The following DPP10 variants were observed in gnomAD, a reference collection of about 807,000 sequenced individuals.
DPP10 encodes the protein dipeptidyl peptidase like 10.
DPP10 carries 33 observed loss-of-function variants against 120.9 expected under a neutral mutation model. The ratio of observed to expected loss-of-function variants is 0.27; its 90% CI spans 0.21 to 0.37. The LOEUF (loss-of-function observed/expected upper bound fraction) is 0.37, where lower values mean the gene tolerates loss of function less well. Among genes scored for constraint, DPP10 ranks in the 10% least tolerant of loss-of-function variants. The probability of loss-of-function intolerance (pLI) is 1.00; values close to 1 mark genes in which losing one functional copy is unlikely to be tolerated. For synonymous variants in DPP10, 337 were observed against 326.1 expected (o/e 1.03, Z -0.36); for missense variants, 816 against 942.8 (o/e 0.87, Z 1.76).
chr2:114,515,106 A>G (rs148413591), intron 1 of DPP10, among the ~76,000 whole-genome samples: 8 of 152,346 alleles, frequency 5.3e-5, no homozygotes, highest in African/African-American at 1.9e-4. Context: ...GAAAGAGAAA[A>G]GAAACATGCC....
At chr2:114,881,604 C>A (rs993914912) in intron 1 of DPP10, among the ~76,000 whole-genome samples, 4 of 149,820 alleles carry the variant, frequency 2.7e-5, no homozygotes, top group African/African-American at 1.0e-4. Context: ...GTCTGTCTAT[C>A]TATCTATCTA....
chr2:114,887,287 G>A (rs941126266), intron 1 of DPP10, among the ~76,000 whole-genome samples: 1 of 152,166 alleles, frequency 6.6e-6, no homozygotes, highest in African/African-American at 2.4e-5. Context: ...TAGTGATTTA[G>A]AGGAGACTAA....
intron 5 of DPP10, among the ~76,000 whole-genome samples, chr2:115,682,295 T>C (rs1367727949): frequency 6.6e-6 from 1 of 151,952 alleles, no homozygotes; most frequent in Non-Finnish European, 1.5e-5. Context: ...GTTGCTTATT[T>C]GTGTTAATTA....
At chr2:115,082,582 G>C (rs767491594) in intron 1 of DPP10, among the ~76,000 whole-genome samples, 4 of 152,154 alleles carry the variant, frequency 2.6e-5, no homozygotes, top group Admixed American at 2.6e-4. Context: ...AAGGATGTTG[G>C]ATATAATCTG....
At chr2:114,474,248 G>A (rs374258745) in intron 1 of DPP10, among the ~76,000 whole-genome samples, 4 of 152,288 alleles carry the variant, frequency 2.6e-5, no homozygotes, top group South Asian at 2.1e-4. Flanking sequence ...GAGCCATTGC[G>A]CCCAGCCGCT....
At chr2:115,534,682 C>A (rs1318315249) in intron 5 of DPP10, among the ~76,000 whole-genome samples, 1 of 150,976 alleles carries the variant, frequency 6.6e-6, no homozygotes, top group Admixed American at 6.6e-5. Flanking sequence ...TGAGGAATCG[C>A]CACACTGAGT....
intron 1 of DPP10, among the ~76,000 whole-genome samples, chr2:114,541,454 AC>A (rs1263441685): frequency 1.3e-5 from 2 of 151,392 alleles, no homozygotes; most frequent in South Asian, 2.1e-4. Context: ...CTTCCTCAAA[AC>A]CCCCCTTTTT....
intron 5 of DPP10, among the ~76,000 whole-genome samples, chr2:115,614,233 G>A (rs1437164353): frequency 6.6e-6 from 1 of 152,120 alleles, no homozygotes; most frequent in East Asian, 1.9e-4. Context: ...TCACAACAAG[G>A]TTATTGATAA....
chr2:115,550,692 A>G (rs1233882106), intron 5 of DPP10, among the ~76,000 whole-genome samples: 2 of 152,182 alleles, frequency 1.3e-5, no homozygotes, highest in East Asian at 3.9e-4. Flanking sequence ...AATGTGAATA[A>G]GCTAAATATG....
At chr2:115,454,158 G>T (rs142533668) in intron 3 of DPP10, among the ~76,000 whole-genome samples, 51 of 151,408 alleles carry the variant, frequency 3.4e-4, no homozygotes, top group Non-Finnish European at 7.2e-4. Context: ...AGAAATAGTA[G>T]TAATCTTTCC....
intron 1 of DPP10, among the ~76,000 whole-genome samples, chr2:115,201,628 A>G (rs1411224076): frequency 2.6e-5 from 4 of 152,218 alleles, no homozygotes; most frequent in Admixed American, 6.5e-5. Context: ...ACAAGAGGAA[A>G]CAAGAATGAT....
chr2:114,939,030 T>C (rs1696695011), intron 1 of DPP10, among the ~76,000 whole-genome samples: 1 of 152,098 alleles, frequency 6.6e-6, no homozygotes, highest in Non-Finnish European at 1.5e-5. Flanking sequence ...TGAGTGTGTA[T>C]ACAGAAATAC....
chr2:115,159,345 C>T (rs899463699), intron 1 of DPP10, among the ~76,000 whole-genome samples: 1 of 152,132 alleles, frequency 6.6e-6, no homozygotes. Flanking sequence ...GTAGTCCCAG[C>T]TACTTGGGAG....
intron 1 of DPP10, among the ~76,000 whole-genome samples, chr2:114,950,254 T>G (rs1315272843): frequency 4.0e-5 from 6 of 150,684 alleles, no homozygotes; most frequent in Non-Finnish European, 5.9e-5. Flanking sequence ...CCAAGACAAC[T>G]ACCCTATGTG....
At chr2:115,835,700 T>C (rs1689413242) in intron 21 of DPP10, among the ~76,000 whole-genome samples, 1 of 152,184 alleles carries the variant, frequency 6.6e-6, no homozygotes, top group Non-Finnish European at 1.5e-5. Context: ...TCTAAATTTT[T>C]GGTGAGATAT....
rs146813224 is a variant in DPP10 at position 115,633,435 on chromosome 2, G to A, written c.442-56252G>A. 4.0e-4 allele frequency among the ~76,000 whole-genome samples: 61 copies of A among 152,282 alleles called. 1 individual carries two copies. The East Asian group carries it at 0.01, about 26-fold the overall frequency. On this transcript the variant is annotated intron_variant, in intron 5 of 25. Coordinates refer to ENST00000410059, the MANE Select transcript of DPP10 (RefSeq NM_020868.6). The stretch of plus-strand genomic sequence containing the variant: ...ATCACACACCAGGGTCTGTTGTGGG[G>A]TGGGGGTAAGGGGGAAGGATAGCAT...
intron 5 of DPP10, among the ~76,000 whole-genome samples, chr2:115,603,790 A>G (rs2083517771): frequency 6.6e-6 from 1 of 152,070 alleles, no homozygotes; most frequent in African/African-American, 2.4e-5. Flanking sequence ...GAGAAACACA[A>G]GAGTTTCTTT....
chr2:114,722,493 C>T (rs1005364447), intron 1 of DPP10, among the ~76,000 whole-genome samples: 1 of 152,072 alleles, frequency 6.6e-6, no homozygotes, highest in East Asian at 1.9e-4. Context: ...AAACAGCTAA[C>T]CAGTCGGGCG....
intron 1 of DPP10, among the ~76,000 whole-genome samples, chr2:115,007,305 C>T (rs1243036739): frequency 6.6e-6 from 1 of 152,182 alleles, no homozygotes; most frequent in Non-Finnish European, 1.5e-5. Context: ...AGCATATAAA[C>T]AGAGCCAAAG....
Sources: gnomAD v4.1 joint callset for allele counts (sites outside exome capture counted in the v4.1 genomes callset) on GRCh38, gnomAD v4.1.1 for gene constraint, MANE v1.5 for transcripts, NCBI Gene and HGNC (gene_info 2026-07-23, HGNC 2026-07-21) for gene names.